The following FAM163B variants were observed in gnomAD, a reference collection of about 807,000 sequenced individuals.
FAM163B encodes protein FAM163B.
In FAM163B, 4 loss-of-function variants were observed where a neutral mutation model predicts 7.6. That is an observed-to-expected ratio of 0.52 (90% confidence interval 0.26 to 1.20). FAM163B has a LOEUF of 1.20. Among genes scored for constraint, FAM163B ranks in the 50% most tolerant of loss-of-function variants. The pLI is 0.14. For synonymous variants in FAM163B, 120 were observed against 111.6 expected (o/e 1.07, Z -0.47); for missense variants, 250 against 243.0 (o/e 1.03, Z -0.19).
intron 1 of FAM163B, among the ~76,000 whole-genome samples, chr9:133,599,492 G>A (rs1460734529): frequency 6.6e-6 from 1 of 152,126 alleles, no homozygotes; most frequent in Admixed American, 6.5e-5. Context: ...GTGTCAATGT[G>A]TAAGGGGTGT....
chr9:133,586,316 C>T (rs1831437582), intron 1 of FAM163B: 1 of 152,340 alleles, frequency 6.6e-6, no homozygotes, highest in Non-Finnish European at 1.5e-5. Context: ...CTGCCCACCA[C>T]GGGTTCTGAG....
chr9:133,589,484 C>T (rs888449598), intron 1 of FAM163B, among the ~76,000 whole-genome samples: 4 of 152,210 alleles, frequency 2.6e-5, no homozygotes, highest in Non-Finnish European at 4.4e-5. Flanking sequence ...TGATGTATCT[C>T]CTTTTCCTTC....
intron 1 of FAM163B, among the ~76,000 whole-genome samples, chr9:133,589,626 G>A (rs1831505405): frequency 1.7e-5 from 1 of 57,760 alleles, no homozygotes; most frequent in African/African-American, 5.2e-5. Flanking sequence ...GCGACACAGC[G>A]CGCACACACA....
intron 1 of FAM163B, among the ~76,000 whole-genome samples, chr9:133,583,160 G>T (rs1831381385): frequency 6.6e-6 from 1 of 152,196 alleles, no homozygotes; most frequent in Non-Finnish European, 1.5e-5. Context: ...TGGTCATGCA[G>T]GGATTAAAAT....
At chr9:133,598,596 TGGGAGAGAGGGAGGGAGGGAGGGA>T (rs1831665764) in intron 1 of FAM163B, among the ~76,000 whole-genome samples, 2 of 90,434 alleles carry the variant, frequency 2.2e-5, no homozygotes, top group East Asian at 3.2e-4. Flanking sequence ...CCGCTGCTGG[TGGGAGAGAGGGAGGGAGGGAGGGA>T]GGGAGAGAGG....
At chr9:133,585,357 C>G (rs1164293780) in intron 1 of FAM163B, among the ~76,000 whole-genome samples, 1 of 152,234 alleles carries the variant, frequency 6.6e-6, no homozygotes, top group Non-Finnish European at 1.5e-5. Flanking sequence ...CCACACGTCC[C>G]GTGCTGAATT....
intron 1 of FAM163B, among the ~76,000 whole-genome samples, chr9:133,599,008 C>A (rs1474590547): frequency 3.9e-5 from 6 of 152,136 alleles, no homozygotes. Context: ...GCAGCACCCC[C>A]TCCCCCAGGG....
intron 1 of FAM163B, among the ~76,000 whole-genome samples, chr9:133,581,367 CATTTTT>C (rs1175766732): frequency 2.6e-5 from 4 of 152,140 alleles, no homozygotes; most frequent in African/African-American, 7.2e-5. Context: ...TCCCAAGCCT[CATTTTT>C]ATTTTTTTTT....
At chr9:133,607,369 G>GT (rs1167396800) in intron 1 of FAM163B, among the ~76,000 whole-genome samples, 10 of 152,216 alleles carry the variant, frequency 6.6e-5, no homozygotes, top group African/African-American at 2.4e-4. Context: ...CATGACAGAC[G>GT]TGTGTTGGGG....
chr9:133,579,542 G>A, intron 2 of FAM163B, 113 bp from the exon 3 acceptor site: 1 of 1,356,852 alleles, frequency 7.4e-7, no homozygotes, highest in African/African-American at 1.4e-5. Context: ...GGAGTGGGGT[G>A]GCCCAAGCCC....
At chr9:133,593,736 G>A (rs920803040) in intron 1 of FAM163B, among the ~76,000 whole-genome samples, 4 of 152,248 alleles carry the variant, frequency 2.6e-5, no homozygotes, top group African/African-American at 9.6e-5. Context: ...CGGTGCTGGG[G>A]CCAGGGTCCC....
At chr9:133,591,431 C>T (rs1347808924) in intron 1 of FAM163B, among the ~76,000 whole-genome samples, 1 of 152,190 alleles carries the variant, frequency 6.6e-6, no homozygotes, top group Admixed American at 6.5e-5. Flanking sequence ...GCCGTGCACA[C>T]ACAAGCTCAT....
chr9:133,587,937 G>T (rs1831465143), intron 1 of FAM163B, among the ~76,000 whole-genome samples: 1 of 130,338 alleles, frequency 7.7e-6, no homozygotes, highest in Non-Finnish European at 1.6e-5. Flanking sequence ...AGAGAAAAGA[G>T]AAAAAGGTGA....
intron 1 of FAM163B, among the ~76,000 whole-genome samples, chr9:133,581,400 G>C (rs975020165): frequency 6.6e-6 from 1 of 152,088 alleles, no homozygotes; most frequent in African/African-American, 2.4e-5. Flanking sequence ...GGGGTATGGG[G>C]TGGAGGAAGA....
chr9:133,593,237 T>C (rs9409873), intron 1 of FAM163B, among the ~76,000 whole-genome samples: 58,649 of 152,092 alleles, frequency 0.39, 11,569 homozygotes, highest in Admixed American at 0.46. Context: ...AGGCAGACTC[T>C]CCCATGTCAG....
chr9:133,608,583 C>T (rs911358275), intron 1 of FAM163B, among the ~76,000 whole-genome samples: 8 of 152,334 alleles, frequency 5.3e-5, no homozygotes, highest in Admixed American at 2.6e-4. Flanking sequence ...CCAAACCTCT[C>T]GGAGACTCAG....
In FAM163B at chr9:133,579,413, T is replaced by C; in HGVS notation, c.110A>G (p.Lys37Arg). The change falls in exon 3 of 3, where the codon AAG becomes AGG. Residue 37 changes from lysine (K) to arginine (R), a missense_variant. Coordinates refer to ENST00000673969, the MANE Select transcript of FAM163B (RefSeq NM_001080515.3). ...CTCCTCGTCCTCCTCCGACTCGTCC[T>C]TCTTGCAGCAGTAGTACTGCGGGCA... ...YCRLQYYCCK[K>R]DESEEDEEEP... 6.2e-7 allele frequency: 1 copy of C among 1,604,230 alleles called. No homozygotes were observed. The highest frequency in any genetic ancestry group is 2.2e-5 in the East Asian group (1 of 44,578).
rs1351385875 is a variant in FAM163B at position 133,590,049 on chromosome 9, T to TC, written c.-23-9804dup. Among the ~76,000 whole-genome samples the TC allele has an allele frequency of 4.8e-3, 173 of 35,754 alleles. 14 individuals are homozygous for TC. The highest frequency in any genetic ancestry group is 0.014 in the South Asian group (7 of 494). 23.5% of individuals were successfully genotyped at this position (35,754 alleles called of 152,430 possible). A position where few individuals can be genotyped will look rare whatever the true frequency, so the allele number is the denominator to read the frequency against. The stretch of plus-strand genomic sequence containing the variant: ...CTGCTGGACTTAAGTTCCCTTCCCT[T>TC]CCCTTCCCTTCCCTTCCCCTTCCCT... On this transcript the variant is annotated intron_variant, in intron 1 of 2. Transcript: ENST00000673969.
At position 133,577,646 on chromosome 9, in the gene FAM163B, C is replaced by G. The variant is rs1328944281; in HGVS notation, c.*1376G>C. 3.3e-5 allele frequency among the ~76,000 whole-genome samples: 5 copies of G among 152,234 alleles called. No homozygotes were observed. The highest frequency in any genetic ancestry group is 6.5e-5 in the Admixed American group (1 of 15,288). The stretch of plus-strand genomic sequence containing the variant: ...GAGAGGGGCTGCCCCGGCCCTGGGG[C>G]TCCATGGCAGGGCACAAAAGGAGAG... On this transcript the variant is annotated 3_prime_UTR_variant, in exon 3 of 3. Coordinates refer to ENST00000673969, the MANE Select transcript of FAM163B (RefSeq NM_001080515.3).
Sources: allele counts gnomAD v4.1 joint callset (sites outside exome capture counted in the v4.1 genomes callset), GRCh38; gene constraint gnomAD v4.1.1; transcripts MANE v1.5; gene names NCBI Gene and HGNC (gene_info 2026-07-23, HGNC 2026-07-21).